TLCD3B: variants seen among roughly 807,000 people sequenced by gnomAD.
TLCD3B encodes the protein ceramide synthase.
A neutral mutation model predicts 23.0 loss-of-function variants in TLCD3B; 9 were observed. The observed-to-expected ratio is 0.39, with a 90% CI of 0.24 to 0.68. The LOEUF (loss-of-function observed/expected upper bound fraction) is 0.68, where lower values mean the gene tolerates loss of function less well. TLCD3B is among the 30% of genes least tolerant of loss of function. The pLI is 0.44. For missense variants in TLCD3B, 307 were observed against 371.8 expected (o/e 0.83, Z 1.43); for synonymous variants, 161 against 161.0 (o/e 1.00, Z 0.00).
Position 30,042,938 on chromosome 16 carries a change from AAT to A in TLCD3B, c.-228-1784_-228-1783del, listed in dbSNP as rs1233693237. Among the ~76,000 whole-genome samples the A allele has an allele frequency of 8.5e-5, 13 of 152,126 alleles. No homozygotes were observed. In the South Asian group the frequency reaches 2.7e-3, roughly 32 times the overall value. ...ATGGTGAAAGCCCATTTCTACTAAA[AAT>A]ACAAAAAAAATTAGCCAGGCGTGGT... On this transcript the variant is annotated intron_variant, in intron 2 of 6. Transcript: ENST00000561666.
At chr16:30,052,991 G>C (rs898323960), upstream of TLCD3B, 6 of 152,300 alleles carry the variant, frequency 3.9e-5, no homozygotes, top group Non-Finnish European at 7.3e-5. Flanking sequence ...AAAGCCCCGA[G>C]GGCCGCGGCG....
intron 3 of TLCD3B, among the ~76,000 whole-genome samples, chr16:30,037,046 C>T (rs1167794138): frequency 2.0e-5 from 3 of 151,616 alleles, no homozygotes; most frequent in African/African-American, 7.3e-5. Context: ...GATCTCGCCA[C>T]TGCACTCCAG....
At chr16:30,035,204 G>T (rs1253404903), upstream of TLCD3B, 2 of 935,276 alleles carry the variant, frequency 2.1e-6, no homozygotes, top group East Asian at 6.5e-5. Context: ...GAGCCACCAC[G>T]CCCAGCCTGC....
chr16:30,027,366 G>T (rs1303482118), intron 2 of TLCD3B, among the ~76,000 whole-genome samples: 1 of 152,218 alleles, frequency 6.6e-6, no homozygotes, highest in African/African-American at 2.4e-5. Flanking sequence ...AAAGGTAGGT[G>T]TGGCCATCAT....
At chr16:30,039,414 C>T (rs1327243109) in intron 3 of TLCD3B, among the ~76,000 whole-genome samples, 4 of 151,376 alleles carry the variant, frequency 2.6e-5, no homozygotes, top group African/African-American at 7.3e-5. Context: ...TGAGCCACTG[C>T]GCCCGGCTTC....
At chr16:30,032,998 C>G (rs952360418), upstream of TLCD3B, 1 of 152,188 alleles carries the variant, frequency 6.6e-6, no homozygotes, top group African/African-American at 2.4e-5. Flanking sequence ...TGTCTCACAC[C>G]TGTAATCCCA....
chr16:30,032,458 T>TTTA (rs1445545000), upstream of TLCD3B, among the ~76,000 whole-genome samples: 1 of 152,038 alleles, frequency 6.6e-6, no homozygotes, highest in Non-Finnish European at 1.5e-5. Flanking sequence ...CTCACGCTGA[T>TTTA]TTAGAGACGG....
intron 3 of TLCD3B, among the ~76,000 whole-genome samples, chr16:30,040,143 A>T (rs1231413241): frequency 3.1e-4 from 32 of 103,586 alleles, no homozygotes; most frequent in Middle Eastern, 4.9e-3. Flanking sequence ...CAAAAAAAAA[A>T]AAAAATATAT....
Position 30,025,311 on chromosome 16 carries a change from G to A in TLCD3B, c.697C>T (p.His233Tyr), listed in dbSNP as rs2071067882. 6.4e-7 allele frequency: 1 copy of A among 1,565,374 alleles called. No homozygotes were observed. The highest frequency in any genetic ancestry group is 8.7e-7 in the Non-Finnish European group (1 of 1,154,358). ...AGCAGCGCAGCGCCCAGGTTGACGT[G>A]GGCAGGGATGGCCAGGGGCACGGCC... The part of the protein sequence containing the change: ...LLAVPLAIPA[H>Y]VNLGAALLLA... The change falls in exon 5 of 5, where the codon CAC becomes TAC. Residue 233 changes from histidine to tyrosine, a missense_variant. Transcript: ENST00000380495. The surrounding 1 kb of genome is among the most constrained non-coding windows in gnomAD (Gnocchi z 4.1).
At chr16:30,051,655 C>T (rs941633272) in intron 1 of TLCD3B, among the ~76,000 whole-genome samples, 2 of 152,212 alleles carry the variant, frequency 1.3e-5, no homozygotes, top group East Asian at 3.9e-4. Context: ...CAGACCAGGC[C>T]CCAGACACTT....
chr16:30,024,659 C>A lies in TLCD3B; in HGVS notation c.*524G>T, dbSNP rs998525599. On this transcript the variant is annotated 3_prime_UTR_variant, in exon 5 of 5. Transcript: ENST00000380495. ...CACCTCCTTCCCCCAACCCAACAGA[C>A]TAGTTCAAATTTGGGTAAATAAATA... is the stretch of plus-strand genomic sequence containing the variant. The A allele has an allele frequency of 1.9e-5, 4 of 213,734 alleles. No homozygotes were observed. Among genetic ancestry groups the A allele is most frequent in the African/African-American group, 9.2e-5 (4 of 43,510 alleles). The allele number at this position is 213,734 out of a possible 1,614,324, so 13.2% of individuals were successfully genotyped here. A position where few individuals can be genotyped will look rare whatever the true frequency, so the allele number is the denominator to read the frequency against.
rs1474067392 is a variant in TLCD3B, at chr16:30,025,192, G to C, written c.816C>G (p.Ala272=). The change falls in exon 5 of 5, where the codon GCC becomes GCG. Residue 272 remains alanine, a synonymous_variant. Coordinates refer to ENST00000380495, the MANE Select transcript of TLCD3B (RefSeq NM_031478.6). This position sits in a 1 kb window ranked among gnomAD's most constrained non-coding sequence, Gnocchi z 4.1. ...PRSRPPPACQ[A]QD is the part of the protein sequence containing the mutation. ...GTCCCGGCCCCCGGCCTCAGTCCTGGGCCTGGCAGGCCGGGGGCGGCCGGG... is the reference window on the plus strand; with the variant it reads ...GTCCCGGCCCCCGGCCTCAGTCCTGCGCCTGGCAGGCCGGGGGCGGCCGGG... The C allele has an allele frequency of 6.8e-7, 1 of 1,473,178 alleles. No homozygotes were observed. The highest frequency in any genetic ancestry group is 8.9e-7 in the Non-Finnish European group (1 of 1,117,734). 91.3% of individuals were successfully genotyped at this position (1,473,178 alleles called of 1,614,324 possible).
intron 2 of TLCD3B, among the ~76,000 whole-genome samples, chr16:30,044,966 A>T (rs1013924514): frequency 6.6e-6 from 1 of 151,512 alleles, no homozygotes; most frequent in African/African-American, 2.4e-5. Context: ...GGTGGCATGC[A>T]CCTGTAATCC....
intron 3 of TLCD3B, among the ~76,000 whole-genome samples, chr16:30,039,607 T>TA (rs919471663): frequency 2.6e-5 from 4 of 151,674 alleles, no homozygotes; most frequent in Non-Finnish European, 5.9e-5. Flanking sequence ...TTTTTGTATT[T>TA]AAAAAAAAAT....
At chr16:30,034,361 C>A (rs971581168), upstream of TLCD3B, among the ~76,000 whole-genome samples, 1 of 149,022 alleles carries the variant, frequency 6.7e-6, no homozygotes, top group African/African-American at 2.5e-5. Context: ...TCCTGTGAGC[C>A]CAGGAGTTCA....
chr16:30,035,512 A>C (rs966126176), upstream of TLCD3B: 8 of 1,289,138 alleles, frequency 6.2e-6, no homozygotes, highest in African/African-American at 1.2e-4. Context: ...AAAGACGGCC[A>C]TGAGAACACC....
chr16:30,030,377 G>A (rs1481578187), intron 1 of TLCD3B, 26 bp downstream of exon 1: 2 of 1,539,808 alleles, frequency 1.3e-6, no homozygotes, highest in Non-Finnish European at 1.8e-6. Context: ...AGCAGACAGG[G>A]GCTGAGGGGA....
At chr16:30,031,300 G>C (rs983101693), upstream of TLCD3B, 1 of 152,404 alleles carries the variant, frequency 6.6e-6, no homozygotes, top group Non-Finnish European at 1.5e-5. Context: ...CGACAGAGAT[G>C]GGGGGAGCAG....
chr16:30,044,760 T>C (rs980419452), intron 2 of TLCD3B, among the ~76,000 whole-genome samples: 2 of 152,130 alleles, frequency 1.3e-5, no homozygotes, highest in Admixed American at 6.6e-5. Context: ...CATTCTGAAC[T>C]GGAGGCTGGC....
Sources: gnomAD v4.1 joint callset for allele counts (sites outside exome capture counted in the v4.1 genomes callset) on GRCh38, gnomAD v4.1.1 for gene constraint, Gnocchi (gnomAD v3.1) non-coding constraint, MANE v1.5 for transcripts, NCBI Gene and HGNC (gene_info 2026-07-23, HGNC 2026-07-21) for gene names.